The following STAT3 variants were observed in gnomAD, a reference collection of about 807,000 sequenced individuals.
STAT3 encodes signal transducer and activator of transcription 3.
STAT3 carries 7 observed loss-of-function variants against 114.3 expected under a neutral mutation model. The ratio of observed to expected loss-of-function variants is 0.06; its 90% CI spans 0.03 to 0.11. STAT3 has a LOEUF of 0.11. Ranked by LOEUF, STAT3 falls within the 10% of genes least tolerant of loss-of-function variation. The pLI is 1.00. For synonymous variants in STAT3, 331 were observed against 354.5 expected, an observed-to-expected ratio of 0.93 and a Z score of 0.74; for missense variants, 364 against 960.9, an observed-to-expected ratio of 0.38 and a Z score of 8.21.
rs2144623252 is a variant in STAT3 at position 42,317,232 on chromosome 17, G to A, written c.2102-8C>T. The A allele has an allele frequency of 6.2e-7, 1 of 1,613,652 alleles. No individual in the cohort carries two copies. The highest frequency in any genetic ancestry group is 8.5e-7 in the Non-Finnish European group (1 of 1,179,852). On this transcript the variant is annotated splice_polypyrimidine_tract_variant and splice_region_variant and intron_variant, in intron 21 of 23. Transcript: ENST00000264657. The stretch of plus-strand genomic sequence containing the variant: ...TCAGGTATGGGGCAGCGCCTGGGAA[G>A]AAGAAAACCAGTTTTCTTACTGACT...
At chr17:42,358,207 G>A (rs987647042) in intron 1 of STAT3, among the ~76,000 whole-genome samples, 2 of 152,134 alleles carry the variant, frequency 1.3e-5, no homozygotes, top group African/African-American at 4.8e-5. Context: ...CTTGAGCTCA[G>A]GAGTTCAAGA....
intron 11 of STAT3, 80 bp from the exon 12 acceptor site, chr17:42,329,856 T>G: frequency 6.6e-7 from 1 of 1,519,952 alleles, no homozygotes; most frequent in Non-Finnish European, 9.1e-7. Flanking sequence ...TGTTATTTAC[T>G]GTCATGAAAA....
chr17:42,357,788 AAAC>A (rs1297212936), intron 1 of STAT3, among the ~76,000 whole-genome samples: 1 of 152,232 alleles, frequency 6.6e-6, no homozygotes, highest in African/African-American at 2.4e-5. Context: ...TTCAAGTTTA[AAAC>A]ATAACTCAAA....
At chr17:42,323,206 G>A (rs2144696173) in intron 19 of STAT3, 54 bp downstream of exon 19, 1 of 1,614,122 alleles carries the variant, frequency 6.2e-7, no homozygotes. Context: ...CCTGCCACTG[G>A]CTTGCTGAGA....
Position 42,334,057 on chromosome 17 carries a change from T to C in STAT3, c.798-8A>G. ...TCTGCTAATGACGTTATCCTGCCAATAAATTAAGAAAGATGCTAATTACCA... is the reference window on the plus strand; with the variant it reads ...TCTGCTAATGACGTTATCCTGCCAACAAATTAAGAAAGATGCTAATTACCA... On this transcript the variant is annotated splice_region_variant and splice_polypyrimidine_tract_variant and intron_variant, in intron 8 of 23. Coordinates refer to ENST00000264657, the MANE Select transcript of STAT3 (RefSeq NM_139276.3). 6 of 1,614,084 alleles carry C rather than the reference T, an allele frequency of 3.7e-6. No homozygotes were observed. The highest frequency in any genetic ancestry group is 5.1e-6 in the Non-Finnish European group (6 of 1,180,028).
At position 42,323,340 on chromosome 17, in the gene STAT3, G is replaced by A. The variant is rs1193049815; in HGVS notation, c.1668C>T (p.Gly556=). Residue 556 remains glycine, a synonymous_variant, in exon 19 of 24, where the codon GGC becomes GGT. Coordinates refer to ENST00000264657, the MANE Select transcript of STAT3 (RefSeq NM_139276.3). The part of the protein sequence containing the change: ...WAKFCKENMA[G]KGFSFWVWLD... ...GCCAGACCCAGAAGGAGAAGCCCTT[G>A]CCAGCCATGTTTTCCTGGAGAAAAG... is the stretch of plus-strand genomic sequence containing the variant. 6.2e-7 allele frequency: 1 copy of A among 1,614,188 alleles called. No homozygotes were observed. Among genetic ancestry groups the A allele is most frequent in the Non-Finnish European group, 8.5e-7 (1 of 1,180,034 alleles).
intron 4 of STAT3, among the ~76,000 whole-genome samples, chr17:42,343,282 TC>T (rs1432460045): frequency 1.3e-5 from 2 of 151,652 alleles, no homozygotes; most frequent in Non-Finnish European, 2.9e-5. Flanking sequence ...AGAAAAAATG[TC>T]CCTGATTATA....
chr17:42,365,478 T>C (rs866620900), intron 1 of STAT3, among the ~76,000 whole-genome samples: 1 of 152,170 alleles, frequency 6.6e-6, no homozygotes, highest in Non-Finnish European at 1.5e-5. Context: ...AGTCAAATGA[T>C]TGCTGCTTTA....
intron 2 of STAT3, among the ~76,000 whole-genome samples, chr17:42,347,173 AGACTCCATCTC>A (rs1378781342): frequency 1.4e-5 from 2 of 142,938 alleles, no homozygotes; most frequent in Non-Finnish European, 3.0e-5. Context: ...GGCTACAGCC[AGACTCCATCTC>A]AAAAAAAAAA....
At chr17:42,338,611 CG>C in intron 6 of STAT3, 119 bp downstream of exon 6, 2 of 914,638 alleles carry the variant, frequency 2.2e-6, no homozygotes, top group East Asian at 5.0e-5. Context: ...TTTGAGGACC[CG>C]TACCTCCCTT....
chr17:42,353,441 G>C (rs756834957), intron 1 of STAT3, among the ~76,000 whole-genome samples: 8 of 151,940 alleles, frequency 5.3e-5, no homozygotes, highest in African/African-American at 1.7e-4. Context: ...TATGTGACTT[G>C]GATCTTATTT....
chr17:42,335,458 T>C (rs1248623772), intron 8 of STAT3, among the ~76,000 whole-genome samples: 3 of 152,196 alleles, frequency 2.0e-5, no homozygotes, highest in Non-Finnish European at 4.4e-5. Context: ...TCCCAAAGCA[T>C]TGGGATTTAC....
chr17:42,329,719 C>A, intron 12 of STAT3, 28 bp downstream of exon 12: 1 of 1,614,218 alleles, frequency 6.2e-7, no homozygotes, highest in Non-Finnish European at 8.5e-7. Context: ...TTAAACGGAA[C>A]AAAAGGAAGC....
chr17:42,330,056 T>C (rs913649566), intron 11 of STAT3, among the ~76,000 whole-genome samples: 2 of 152,148 alleles, frequency 1.3e-5, no homozygotes, highest in Non-Finnish European at 2.9e-5. Context: ...TTCCAGTGCA[T>C]CCTCATGAAA....
At chr17:42,326,075 C>T (rs752863013) in intron 15 of STAT3, 41 bp downstream of exon 15, 1 of 1,571,848 alleles carries the variant, frequency 6.4e-7, no homozygotes, top group South Asian at 1.1e-5. Context: ...CCTGAGTCAC[C>T]CCTGTACGTA....
rs553438513 is a variant in STAT3 at position 42,331,963 on chromosome 17, C to T, written c.1050-432G>A. Among the ~76,000 whole-genome samples the T allele has an allele frequency of 5.3e-5, 8 of 151,212 alleles. No individual in the cohort carries two copies. The South Asian group carries it at 1.3e-3, about 24-fold the overall frequency. On this transcript the variant is annotated intron_variant, in intron 10 of 23. Transcript: ENST00000264657. ...TTTTTTTTTTTGAGACAGTTTCTCT[C>T]GTTACCCAGGCTGGAGTGCAATGGC...
chr17:42,382,085 T>A (rs758189487), intron 1 of STAT3, among the ~76,000 whole-genome samples: 10 of 152,186 alleles, frequency 6.6e-5, no homozygotes, highest in Non-Finnish European at 1.5e-4. Context: ...CTCATGTTCC[T>A]TCAGCCTTGA....
At chr17:42,353,241 G>A (rs914902357) in intron 1 of STAT3, among the ~76,000 whole-genome samples, 14 of 151,870 alleles carry the variant, frequency 9.2e-5, no homozygotes, top group Non-Finnish European at 1.5e-4. Context: ...CCAGCTACTC[G>A]GGAGGCTGAG....
intron 1 of STAT3, among the ~76,000 whole-genome samples, chr17:42,363,868 C>G (rs1488684580): frequency 6.6e-6 from 1 of 152,056 alleles, no homozygotes; most frequent in Non-Finnish European, 1.5e-5. Flanking sequence ...GCTTTTTTCT[C>G]TGGGTGGCGT....
Sources: gnomAD v4.1 joint callset for allele counts (sites outside exome capture counted in the v4.1 genomes callset) on GRCh38, gnomAD v4.1.1 for gene constraint, MANE v1.5 for transcripts, NCBI Gene and HGNC (gene_info 2026-07-23, HGNC 2026-07-21) for gene names.